The following AGMO variants were observed in gnomAD, a reference collection of about 807,000 sequenced individuals.
AGMO encodes alkylglycerol monooxygenase, also known as glyceryl-ether monooxygenase.
In AGMO, 75 loss-of-function variants were observed where a neutral mutation model predicts 60.2. The observed-to-expected ratio is 1.25, with a 90% CI of 1.03 to 1.51. The LOEUF (loss-of-function observed/expected upper bound fraction) is 1.51, where lower values mean the gene tolerates loss of function less well. Ranked by LOEUF, AGMO falls within the 40% of genes most tolerant of loss-of-function variation. The pLI is 0.00. For missense variants in AGMO, 763 were observed against 525.5 expected, an observed-to-expected ratio of 1.45 and a Z score of -4.42; for synonymous variants, 261 against 177.1, an observed-to-expected ratio of 1.47 and a Z score of -3.76.
At chr7:15,547,390 T>A (rs970079273) in intron 2 of AGMO, among the ~76,000 whole-genome samples, 37 of 152,072 alleles carry the variant, frequency 2.4e-4, no homozygotes, top group Admixed American at 1.3e-4. Context: ...GATTTCTGCA[T>A]TTCCATCTGA....
rs1225565367 is a variant in AGMO, at chr7:15,221,550, G to A, written c.1264-20191C>T. On this transcript the variant is annotated intron_variant, in intron 12 of 12. Coordinates refer to ENST00000342526, the MANE Select transcript of AGMO (RefSeq NM_001004320.2). ...CTAAAAAATTCAAGTACAGGGTTTT[G>A]GTTTCACAGCAGTCAACTCTGATAT... Among the ~76,000 whole-genome samples, 3 of 152,084 alleles carry A rather than the reference G, an allele frequency of 2.0e-5. No homozygotes were observed. The East Asian group carries it at 5.8e-4, about 29-fold the overall frequency.
chr7:15,244,888 G>C (rs1782697232), intron 12 of AGMO, among the ~76,000 whole-genome samples: 1 of 152,146 alleles, frequency 6.6e-6, no homozygotes, highest in Admixed American at 6.5e-5. Context: ...TCCTGACTTT[G>C]TGATCTGCCT....
chr7:15,470,918 T>C (rs570107183), intron 3 of AGMO, among the ~76,000 whole-genome samples: 6 of 152,094 alleles, frequency 3.9e-5, no homozygotes, highest in African/African-American at 1.2e-4. Flanking sequence ...ATAATAAATA[T>C]ATCCATCATT....
chr7:15,259,540 T>C (rs1276959241), intron 12 of AGMO, among the ~76,000 whole-genome samples: 3 of 152,004 alleles, frequency 2.0e-5, no homozygotes, highest in Non-Finnish European at 4.4e-5. Context: ...GACATCCAAA[T>C]ACAAGAAACC....
At chr7:15,198,090 T>C (rs1213134899), downstream of AGMO, among the ~76,000 whole-genome samples, 4 of 152,098 alleles carry the variant, frequency 2.6e-5, no homozygotes, top group Admixed American at 6.6e-5. Flanking sequence ...TCTTTTCTTA[T>C]GGTAGATTAG....
At chr7:15,375,771 C>T (rs1408148552) in intron 10 of AGMO, among the ~76,000 whole-genome samples, 1 of 152,076 alleles carries the variant, frequency 6.6e-6, no homozygotes, top group Admixed American at 6.5e-5. Context: ...GTTTCCAAAA[C>T]AGAATTAAAT....
chr7:15,488,099 G>C (rs947818288), intron 3 of AGMO, among the ~76,000 whole-genome samples: 7 of 152,134 alleles, frequency 4.6e-5, no homozygotes, highest in Admixed American at 3.9e-4. Context: ...CATAAGCAAA[G>C]AGCAAGGCAT....
At chr7:15,365,651 T>G in intron 11 of AGMO, 32 bp from the exon 12 acceptor site, 1 of 1,415,788 alleles carries the variant, frequency 7.1e-7, no homozygotes, top group Non-Finnish European at 1.0e-6. Flanking sequence ...ATGCATTAGC[T>G]TTAAATATGC....
intron 10 of AGMO, among the ~76,000 whole-genome samples, chr7:15,381,574 T>C (rs950710997): frequency 1.3e-5 from 2 of 152,114 alleles, no homozygotes; most frequent in Admixed American, 6.6e-5. Flanking sequence ...ACACTGTTGG[T>C]GGGAATGTAA....
At chr7:15,518,731 A>C (rs1562548486) in intron 3 of AGMO, among the ~76,000 whole-genome samples, 2 of 152,078 alleles carry the variant, frequency 1.3e-5, no homozygotes, top group African/African-American at 4.8e-5. Flanking sequence ...CAGTGCAAAA[A>C]GGGCTGAAAA....
chr7:15,165,273 T>C, the AGMO span, among the ~76,000 whole-genome samples: 1 of 152,072 alleles, frequency 6.6e-6, no homozygotes, highest in Non-Finnish European at 1.5e-5. Flanking sequence ...AATTTCCTAT[T>C]GGGTACAGTG....
At chr7:15,543,926 G>C (rs989826310) in intron 3 of AGMO, among the ~76,000 whole-genome samples, 7 of 151,540 alleles carry the variant, frequency 4.6e-5, no homozygotes, top group African/African-American at 1.7e-4. Context: ...CCTACCAACG[G>C]TATAAAACTG....
the AGMO span, among the ~76,000 whole-genome samples, chr7:15,173,257 GC>G: frequency 7.7e-3 from 1,172 of 151,936 alleles, 4 homozygotes; most frequent in Non-Finnish European, 0.012. Flanking sequence ...ACTGCAGAAG[GC>G]CCAAAGGCAT....
chr7:15,247,238 A>T (rs925735740), intron 12 of AGMO, among the ~76,000 whole-genome samples: 10 of 152,060 alleles, frequency 6.6e-5, no homozygotes, highest in Non-Finnish European at 1.3e-4. Context: ...ACAGCTATTT[A>T]AAAAAATGCA....
the AGMO span, among the ~76,000 whole-genome samples, chr7:15,150,891 T>C: frequency 2.0e-5 from 3 of 152,090 alleles, no homozygotes; most frequent in Non-Finnish European, 4.4e-5. Context: ...GTCAGTAGTA[T>C]TGGTACCAGT....
In AGMO at chr7:15,539,357, C is replaced by T. The variant is rs866668973; in HGVS notation, c.409+5415G>A. 4.6e-5 allele frequency among the ~76,000 whole-genome samples: 7 copies of T among 152,078 alleles called. No individual in the cohort carries two copies. The South Asian group carries it at 1.0e-3, about 22-fold the overall frequency. On this transcript the variant is annotated intron_variant, in intron 3 of 12. Transcript: ENST00000342526. Reference sequence around the variant, plus strand: ...TCCTCTCCTAGCATCCATGTGTTCTCGTTGTATAGCTCCCACTTAAAAGTG... The same window carrying T: ...TCCTCTCCTAGCATCCATGTGTTCTTGTTGTATAGCTCCCACTTAAAAGTG...
intron 3 of AGMO, among the ~76,000 whole-genome samples, chr7:15,466,286 T>C (rs1404691833): frequency 6.6e-6 from 1 of 152,084 alleles, no homozygotes. Flanking sequence ...AAACACAAAG[T>C]AATTAGTGGG....
chr7:15,522,661 G>A lies in AGMO; in HGVS notation c.409+22111C>T, dbSNP rs183451188. On this transcript the variant is annotated intron_variant, in intron 3 of 12. Coordinates refer to ENST00000342526, the MANE Select transcript of AGMO (RefSeq NM_001004320.2). ...TAGCCATATGCAGAAAACTGAAACC[G>A]GACCCCTTCCTTACACCTTATACAA... is the stretch of plus-strand genomic sequence containing the variant. 2.9e-3 allele frequency among the ~76,000 whole-genome samples: 448 copies of A among 152,044 alleles called. 4 individuals carry two copies. Among genetic ancestry groups the A allele is most frequent in the African/African-American group, 9.7e-3 (401 of 41,472 alleles).
chr7:15,188,483 G>A, the AGMO span, among the ~76,000 whole-genome samples: 5 of 152,124 alleles, frequency 3.3e-5, no homozygotes, highest in Non-Finnish European at 5.9e-5. Flanking sequence ...TAAGTATACT[G>A]TCAATAAGGA....
Sources: gnomAD v4.1 joint callset for allele counts (sites outside exome capture counted in the v4.1 genomes callset) on GRCh38, gnomAD v4.1.1 for gene constraint, MANE v1.5 for transcripts, NCBI Gene and HGNC (gene_info 2026-07-23, HGNC 2026-07-21) for gene names.